S100G: variants seen among roughly 807,000 people sequenced by gnomAD.
S100G encodes the protein S100 calcium binding protein G.
Under a neutral mutation model 4.4 loss-of-function variants are expected in S100G, and 4 were observed. The observed-to-expected ratio is 0.91, with a 90% CI of 0.45 to 2.09. The LOEUF (loss-of-function observed/expected upper bound fraction) is 2.09, where lower values mean the gene tolerates loss of function less well. Ranked by LOEUF, S100G falls within the 30% of genes most tolerant of loss-of-function variation. The probability of loss-of-function intolerance (pLI) is 0.03; values close to 1 mark genes in which losing one functional copy is unlikely to be tolerated. For missense variants in S100G, 48 were observed against 49.8 expected, an observed-to-expected ratio of 0.96 and a Z score of 0.11; for synonymous variants, 24 against 20.1, an observed-to-expected ratio of 1.20 and a Z score of -0.53.
At chrX:16,651,463 C>A (rs966719035) in intron 2 of S100G, among the ~76,000 whole-genome samples, 1 of 111,977 alleles carries the variant, frequency 8.9e-6, no homozygotes, top group African/African-American at 3.2e-5. Flanking sequence ...GGATTCAGTA[C>A]TTCTGTGCCA....
chrX:16,653,700 C>A (rs964466433), intron 2 of S100G, among the ~76,000 whole-genome samples: 1 of 112,139 alleles, frequency 8.9e-6, no homozygotes, highest in Non-Finnish European at 1.9e-5. Context: ...GCAAGCCTAT[C>A]GTGTGATTCT....
intron 2 of S100G, 110 bp downstream of exon 2, chrX:16,651,251 C>A: frequency 1.4e-6 from 1 of 725,987 alleles, no homozygotes; most frequent in Non-Finnish European, 2.0e-6. Context: ...TGAGGGAGGA[C>A]ACATGCAGGT....
intron 2 of S100G, among the ~76,000 whole-genome samples, chrX:16,651,829 C>A (rs1932651638): frequency 8.9e-6 from 1 of 111,763 alleles, no homozygotes; most frequent in Non-Finnish European, 1.9e-5. Context: ...CTCCAATATA[C>A]AGTACTGTCT....
At chrX:16,652,338 G>C (rs948325888) in intron 2 of S100G, among the ~76,000 whole-genome samples, 6 of 111,870 alleles carry the variant, frequency 5.4e-5, no homozygotes, top group Non-Finnish European at 7.5e-5. Context: ...CAGCTCTCCA[G>C]ATTTTAACCA....
chrX:16,653,734 C>T (rs1306308884), intron 2 of S100G, among the ~76,000 whole-genome samples: 1 of 112,325 alleles, frequency 8.9e-6, no homozygotes, highest in Non-Finnish European at 1.9e-5. Flanking sequence ...GCATGGGAAC[C>T]ATTGAGCCAA....
intron 2 of S100G, among the ~76,000 whole-genome samples, chrX:16,652,117 G>A (rs1302677213): frequency 8.9e-6 from 1 of 111,781 alleles, no homozygotes; most frequent in Non-Finnish European, 1.9e-5. Flanking sequence ...GGCAGGCCAG[G>A]TGATCAAATA....
chrX:16,651,247 A>T, intron 2 of S100G, 106 bp downstream of exon 2: 1 of 758,121 alleles, frequency 1.3e-6, no homozygotes, highest in South Asian at 2.7e-5. Flanking sequence ...CGCTTGAGGG[A>T]GGACACATGC....
chrX:16,650,672 C>G (rs1400736659), intron 1 of S100G, among the ~76,000 whole-genome samples: 4 of 109,107 alleles, frequency 3.7e-5, no homozygotes, highest in African/African-American at 1.3e-4. Context: ...ACCACCACGC[C>G]TGGCTAATTT....
chrX:16,651,235 G>A (rs41309711), intron 2 of S100G, 94 bp downstream of exon 2: 18,402 of 840,334 alleles, frequency 0.022, 213 homozygotes, highest in Non-Finnish European at 0.026. Flanking sequence ...TATAGGGACC[G>A]TCGCTTGAGG....
rs761022011 is a variant in S100G, at chrX:16,654,360, A to AT, written c.136-39dup. The AT allele has an allele frequency of 6.6e-5, 61 of 924,360 alleles. No homozygotes were observed. The African/African-American group carries it at 1.0e-3, about 15-fold the overall frequency. The allele number at this position is 924,360 out of a possible 1,213,427, so 76.2% of individuals were successfully genotyped here. A position where few individuals can be genotyped will look rare whatever the true frequency, so the allele number is the denominator to read the frequency against. ...GAGAATGTGTAGCAGTAACTGATTC[A>AT]TTTTTTCTCCCCTCCCTTCTCCCAT... On this transcript the variant is annotated intron_variant, in intron 2 of 2. Transcript: ENST00000380200.
chrX:16,650,763 G>A (rs1359660066), intron 1 of S100G, among the ~76,000 whole-genome samples: 4 of 109,939 alleles, frequency 3.6e-5, no homozygotes, highest in Non-Finnish European at 7.6e-5. Flanking sequence ...CACCCTCCTT[G>A]GCCTCCCAAA....
chrX:16,654,419 A>G lies in S100G; in HGVS notation c.150A>G (p.Leu50=), dbSNP rs1932771049. The change falls in exon 3 of 3, where the codon CTA becomes CTG. Residue 50 remains leucine (L), a synonymous_variant. Transcript: ENST00000380200. ...FPSLLKGPNT[L]DDLFQELDKN... is the part of the protein sequence containing the mutation. ...ATGTAAAACAGGGTCCAAACACCCTAGATGATCTCTTTCAAGAACTGGACA... is the reference window on the plus strand; with the variant it reads ...ATGTAAAACAGGGTCCAAACACCCTGGATGATCTCTTTCAAGAACTGGACA... 1.7e-6 allele frequency: 2 copies of G among 1,193,765 alleles called. No homozygotes were observed. The highest frequency in any genetic ancestry group is 3.0e-5 in the East Asian group (1 of 33,522).
In S100G at chrX:16,650,995, T is replaced by A; in HGVS notation, c.-8-4T>A. 1 of 1,199,860 alleles carries A rather than the reference T, an allele frequency of 8.3e-7. No homozygotes were observed. Among genetic ancestry groups the A allele is most frequent in the Non-Finnish European group, 1.1e-6 (1 of 886,424 alleles). ...GTAAGTTTATTTTCTTCCCAATTTA[T>A]AAGACACCAGAATGAGTACTAAAAA... is the stretch of plus-strand genomic sequence containing the variant. On this transcript the variant is annotated splice_region_variant and splice_polypyrimidine_tract_variant and intron_variant, in intron 1 of 2. Transcript: ENST00000380200.
At chrX:16,652,599 A>G (rs753040960) in intron 2 of S100G, among the ~76,000 whole-genome samples, 1 of 112,507 alleles carries the variant, frequency 8.9e-6, no homozygotes, top group Admixed American at 9.4e-5. Flanking sequence ...AGGAAGAAAA[A>G]TAATCATCTA....
At chrX:16,650,511 C>CTTTTT (rs1167079038) in intron 1 of S100G, among the ~76,000 whole-genome samples, 10 of 77,165 alleles carry the variant, frequency 1.3e-4, no homozygotes, top group African/African-American at 3.4e-4. Flanking sequence ...TCTAAGATGT[C>CTTTTT]TTTTTTTTTT....
Position 16,651,095 on chromosome X carries a change from A to G in S100G, c.89A>G (p.Asp30Gly). The change falls in exon 2 of 3, where the codon GAT (aspartate) becomes GGT (glycine). Residue 30 changes from aspartate to glycine, a missense_variant. Physicochemically the swap from Asp to Gly is moderately conservative, Grantham distance 94. Transcript: ENST00000380200. ...GGTGATCCAGACCAGTTGTCAAAGG[A>G]TGAACTGAAGCTATTGATTCAGGCT... ...KEGDPDQLSK[D>G]ELKLLIQAEF... 8.6e-7 allele frequency: 1 copy of G among 1,162,312 alleles called. No homozygotes were observed. Among genetic ancestry groups the G allele is most frequent in the Non-Finnish European group, 1.2e-6 (1 of 863,882 alleles).
intron 1 of S100G, 63 bp from the exon 2 acceptor site, chrX:16,650,936 A>G: frequency 9.9e-7 from 1 of 1,007,148 alleles, no homozygotes; most frequent in Non-Finnish European, 1.4e-6. Flanking sequence ...TCCTGCAGAC[A>G]ACCCTCAGCA....
rs1031404902 is a variant in S100G at position 16,650,221 on chromosome X, A to G, written c.-9+18A>G. Reference sequence around the variant, plus strand: ...GCAACCAGGTTAGTGTGATTTTGGTACTACCTAGAGCTCCTTCTGTTTGCA... The same window carrying G: ...GCAACCAGGTTAGTGTGATTTTGGTGCTACCTAGAGCTCCTTCTGTTTGCA... On this transcript the variant is annotated intron_variant, in intron 1 of 2. Coordinates refer to ENST00000380200, the MANE Select transcript of S100G (RefSeq NM_004057.3). 1 of 111,918 alleles carries G rather than the reference A, an allele frequency of 8.9e-6. No homozygotes were observed. Among genetic ancestry groups the G allele is most frequent in the African/African-American group, 3.2e-5 (1 of 30,772 alleles). 9.2% of individuals were successfully genotyped at this position (111,918 alleles called of 1,213,427 possible).
intron 2 of S100G, 71 bp from the exon 3 acceptor site, chrX:16,654,334 T>G: frequency 3.4e-5 from 24 of 706,053 alleles, no homozygotes; most frequent in Non-Finnish European, 5.0e-5. Flanking sequence ...CTCTAATTTC[T>G]GAGAATGTGT....
Sources: allele counts gnomAD v4.1 joint callset (sites outside exome capture counted in the v4.1 genomes callset), GRCh38; gene constraint gnomAD v4.1.1; transcripts MANE v1.5; gene names NCBI Gene and HGNC (gene_info 2026-07-23, HGNC 2026-07-21).